The following RBPJ variants were observed in gnomAD, a reference collection of about 807,000 sequenced individuals.
RBPJ encodes the protein recombining binding protein suppressor of hairless.
Under a neutral mutation model 67.8 loss-of-function variants are expected in RBPJ, and 9 were observed. The observed-to-expected ratio is 0.13, with a 90% CI of 0.08 to 0.23. RBPJ has a LOEUF of 0.23. RBPJ is among the 10% of genes least tolerant of loss of function. RBPJ has a pLI of 1.00. For missense variants in RBPJ, 305 were observed against 595.6 expected (o/e 0.51, Z 5.08); for synonymous variants, 198 against 203.3 (o/e 0.97, Z 0.22).
chr4:26,340,029 A>C (rs983835460), intron 1 of RBPJ, among the ~76,000 whole-genome samples: 1 of 152,204 alleles, frequency 6.6e-6, no homozygotes, highest in African/African-American at 2.4e-5. Context: ...AAAAAAAAAA[A>C]GAACATTTCA....
chr4:26,292,798 A>ATATATATATATATGGTGTGTT (rs1491429835), intron 1 of RBPJ, among the ~76,000 whole-genome samples: 1 of 143,400 alleles, frequency 7.0e-6, no homozygotes, highest in Non-Finnish European at 1.6e-5. Context: ...AGGTATATAC[A>ATATATATATATATGGTGTGTT]TATATATATA....
At chr4:26,256,701 C>T (rs1197659345) in intron 1 of RBPJ, among the ~76,000 whole-genome samples, 3 of 152,070 alleles carry the variant, frequency 2.0e-5, no homozygotes, top group Non-Finnish European at 4.4e-5. Context: ...GTTGTAAGGA[C>T]GTAAGGACAA....
intron 1 of RBPJ, among the ~76,000 whole-genome samples, chr4:26,181,139 A>G (rs1395948153): frequency 6.6e-6 from 1 of 152,274 alleles, no homozygotes; most frequent in African/African-American, 2.4e-5. Context: ...ACCCAGTCTC[A>G]GGTATGTCTT....
rs989718197 is a variant in RBPJ, at chr4:26,206,595, C to A, written c.-167+42981C>A. On this transcript the variant is annotated intron_variant, in intron 1 of 4. Coordinates refer to the RBPJ transcript ENST00000512351. ...ACAACCAGCATATTTCTGCAGGCAA[C>A]AGCAGCCAAAATGGGTTGCCAAGAC... is the stretch of plus-strand genomic sequence containing the variant. 2.0e-5 allele frequency among the ~76,000 whole-genome samples: 3 copies of A among 152,266 alleles called. No homozygotes were observed. In the East Asian group the frequency reaches 5.8e-4, roughly 29 times the overall value.
intron 1 of RBPJ, among the ~76,000 whole-genome samples, chr4:26,292,460 GC>G (rs2109289002): frequency 6.7e-6 from 1 of 150,296 alleles, no homozygotes; most frequent in African/African-American, 2.4e-5. Context: ...TAGCTCTGTT[GC>G]CCAGGCTGGT....
chr4:26,292,070 G>A (rs1721689200), intron 1 of RBPJ, among the ~76,000 whole-genome samples: 1 of 150,512 alleles, frequency 6.6e-6, no homozygotes, highest in Non-Finnish European at 1.5e-5. Flanking sequence ...TTTTTAATGT[G>A]TGGTGAAAAT....
chr4:26,295,764 C>A (rs1354808328), intron 1 of RBPJ, among the ~76,000 whole-genome samples: 1 of 152,114 alleles, frequency 6.6e-6, no homozygotes, highest in Non-Finnish European at 1.5e-5. Context: ...TTCAGCCACT[C>A]AGTGTGGGCT....
In RBPJ at chr4:26,222,633, AATAT is replaced by A. The variant is rs10673072; in HGVS notation, c.-167+59041_-167+59044del. 8.6e-4 allele frequency among the ~76,000 whole-genome samples: 117 copies of A among 135,928 alleles called. 1 individual carries two copies. The highest frequency in any genetic ancestry group is 2.3e-3 in the African/African-American group (84 of 36,972). The allele number at this position is 135,928 out of a possible 152,430, so 89.2% of individuals were successfully genotyped here. A position where few individuals can be genotyped will look rare whatever the true frequency, so the allele number is the denominator to read the frequency against. On this transcript the variant is annotated intron_variant, in intron 1 of 4. Coordinates refer to the RBPJ transcript ENST00000512351. ...TATATATACCTATTATGTACTCTGA[AATAT>A]ATATATATATATATATATATACCTA...
chr4:26,395,749 A>T (rs868482576), intron 2 of RBPJ, among the ~76,000 whole-genome samples: 1 of 152,264 alleles, frequency 6.6e-6, no homozygotes, highest in Middle Eastern at 3.4e-3. Flanking sequence ...TTCTAAAATA[A>T]ATTACCCAGC....
intron 3 of RBPJ, among the ~76,000 whole-genome samples, chr4:26,408,971 C>T (rs1221291722): frequency 2.0e-5 from 3 of 152,320 alleles, no homozygotes; most frequent in South Asian, 4.2e-4. Flanking sequence ...ATTGGGCTAG[C>T]CCAATTGAAT....
At chr4:26,327,553 T>G (rs1723763562) in intron 1 of RBPJ, among the ~76,000 whole-genome samples, 3 of 150,170 alleles carry the variant, frequency 2.0e-5, no homozygotes, top group South Asian at 2.1e-4. Context: ...TTTTTTTTTT[T>G]TTTTTTTTTT....
chr4:26,148,649 G>A, the RBPJ span, among the ~76,000 whole-genome samples: 147,465 of 152,316 alleles, frequency 0.97, 71,533 homozygotes, highest in East Asian at 1. Flanking sequence ...TAGACAGAGG[G>A]ACCTGCCAGA....
intron 1 of RBPJ, among the ~76,000 whole-genome samples, chr4:26,326,097 A>T (rs535448956): frequency 1.3e-5 from 2 of 152,248 alleles, no homozygotes; most frequent in Admixed American, 1.3e-4. Flanking sequence ...GTGCTTTGAA[A>T]TCTTGGTGCA....
chr4:26,397,736 C>T lies in RBPJ; in HGVS notation c.60-8439C>T, dbSNP rs561224382. ...GCAACCTCCACCTCCCAGGTTCAAG[C>T]GATTCTCCTGCCTCAGCCTCCCAGG... On this transcript the variant is annotated intron_variant, in intron 2 of 10. Transcript: ENST00000355476. 3.2e-3 allele frequency among the ~76,000 whole-genome samples: 494 copies of T among 152,262 alleles called. 2 individuals carry two copies. The highest frequency in any genetic ancestry group is 9.9e-3 in the South Asian group (48 of 4,830).
intron 1 of RBPJ, among the ~76,000 whole-genome samples, chr4:26,372,913 CTGG>C (rs773111852): frequency 7.2e-5 from 11 of 152,140 alleles, no homozygotes; most frequent in Admixed American, 2.0e-4. Context: ...CAGATACTAG[CTGG>C]TGGGCCTGCT....
At chr4:26,274,549 G>A (rs1721016220) in intron 1 of RBPJ, among the ~76,000 whole-genome samples, 1 of 152,184 alleles carries the variant, frequency 6.6e-6, no homozygotes, top group Non-Finnish European at 1.5e-5. Context: ...AGGATCCCTT[G>A]AGCCCAGAAG....
chr4:26,153,223 T>C, the RBPJ span, among the ~76,000 whole-genome samples: 1 of 152,232 alleles, frequency 6.6e-6, no homozygotes, highest in African/African-American at 2.4e-5. Flanking sequence ...CATTCCTGAC[T>C]CTGAATGTAG....
At chr4:26,404,996 G>A (rs1733246045) in intron 2 of RBPJ, among the ~76,000 whole-genome samples, 1 of 152,148 alleles carries the variant, frequency 6.6e-6, no homozygotes, top group Non-Finnish European at 1.5e-5. Flanking sequence ...TGGACTTTGA[G>A]TTTCTTTTCA....
chr4:26,160,983 G>A (rs186243228), upstream of RBPJ, among the ~76,000 whole-genome samples: 2 of 152,300 alleles, frequency 1.3e-5, no homozygotes, highest in Admixed American at 1.3e-4. Flanking sequence ...ATGGTAATTG[G>A]CAAAACATGT....
Sources: gnomAD v4.1 joint callset for allele counts (sites outside exome capture counted in the v4.1 genomes callset) on GRCh38, gnomAD v4.1.1 for gene constraint, MANE v1.5 for transcripts, NCBI Gene and HGNC (gene_info 2026-07-23, HGNC 2026-07-21) for gene names.